DDX19A: variants seen among roughly 807,000 people sequenced by gnomAD.
DDX19A encodes the protein DEAD-box helicase 19A, also known as ATP-dependent RNA helicase DDX19A.
DDX19A carries 12 observed loss-of-function variants against 60.6 expected under a neutral mutation model. The observed-to-expected ratio is 0.20, with a 90% confidence interval of 0.13 to 0.32. DDX19A has a LOEUF of 0.32. Among genes scored for constraint, DDX19A ranks in the 10% least tolerant of loss-of-function variants. The probability of loss-of-function intolerance (pLI) is 1.00; values close to 1 mark genes in which losing one functional copy is unlikely to be tolerated. For synonymous variants in DDX19A, 206 were observed against 218.2 expected (o/e 0.94, Z 0.49); for missense variants, 337 against 600.6 (o/e 0.56, Z 4.59).
intron 9 of DDX19A, among the ~76,000 whole-genome samples, chr16:70,369,719 C>A (rs1035773639): frequency 6.7e-6 from 1 of 149,552 alleles, no homozygotes; most frequent in Non-Finnish European, 1.5e-5. Flanking sequence ...CAGGTTTAAG[C>A]GATTCTCCTG....
intron 4 of DDX19A, among the ~76,000 whole-genome samples, chr16:70,358,327 A>C (rs1964274334): frequency 6.6e-6 from 1 of 152,068 alleles, no homozygotes; most frequent in South Asian, 2.1e-4. Flanking sequence ...CACTGCACCC[A>C]GCCTTATTTT....
At chr16:70,356,839 C>G in intron 4 of DDX19A, 1 of 1,241,872 alleles carries the variant, frequency 8.1e-7, no homozygotes, top group Non-Finnish European at 1.0e-6. Context: ...TTCTCTTATA[C>G]TCTTAGAACT....
At chr16:70,348,709 A>G (rs1963927090) in intron 1 of DDX19A, among the ~76,000 whole-genome samples, 2 of 151,552 alleles carry the variant, frequency 1.3e-5, no homozygotes, top group South Asian at 2.1e-4. Context: ...GGAAACTGAG[A>G]CAGGCAGATC....
chr16:70,366,525 C>T (rs752490744), intron 8 of DDX19A, 99 bp from the exon 9 acceptor site: 8 of 1,511,464 alleles, frequency 5.3e-6, no homozygotes, highest in South Asian at 1.2e-5. Context: ...CCTCCCCCAT[C>T]AGCCTTCCTG....
At chr16:70,356,576 T>C (rs1473443278) in intron 4 of DDX19A, among the ~76,000 whole-genome samples, 1 of 152,052 alleles carries the variant, frequency 6.6e-6, no homozygotes, top group Non-Finnish European at 1.5e-5. Context: ...CAGGCTGGTC[T>C]TGAACTCCTG....
intron 8 of DDX19A, 146 bp from the exon 9 acceptor site, chr16:70,366,478 C>A (rs1597538969): frequency 7.8e-6 from 10 of 1,281,894 alleles, no homozygotes; most frequent in East Asian, 2.5e-5. Flanking sequence ...ACCCTTGTCC[C>A]CATCCCAGGC....
At position 70,366,100 on chromosome 16, in the gene DDX19A, A is replaced by T. The variant is rs61741988; in HGVS notation, c.620A>T (p.Lys207Met). Residue 207 changes from lysine (K) to methionine (M), a missense_variant, in exon 8 of 12, where the codon AAG (lysine) becomes ATG (methionine). Coordinates refer to ENST00000302243, the MANE Select transcript of DDX19A (RefSeq NM_018332.5). ...GTCTCCACAGTGGAAAGAGGCCAGA[A>T]GATCAGTGAGCAGATTGTCATTGGC... ...VRGNKLERGQKISEQIVIGTP... is the reference protein window; with the variant it reads ...VRGNKLERGQMISEQIVIGTP... The T allele has an allele frequency of 9.9e-6, 16 of 1,614,080 alleles. No homozygotes were observed. In the African/African-American group the frequency reaches 2.1e-4, roughly 22 times the overall value.
intron 4 of DDX19A, chr16:70,361,010 T>C (rs887929611): frequency 1.0e-5 from 2 of 190,546 alleles, no homozygotes; most frequent in Non-Finnish European, 2.1e-5. Context: ...CCCAAAGTGC[T>C]GAGATTACAG....
intron 3 of DDX19A, 161 bp from the exon 4 acceptor site, chr16:70,355,951 C>T (rs1173872702): frequency 1.1e-6 from 1 of 885,226 alleles, no homozygotes; most frequent in Admixed American, 2.7e-5. Flanking sequence ...GACAGCAAGA[C>T]CCCATCTCTA....
intron 1 of DDX19A, 164 bp downstream of exon 1, chr16:70,347,212 C>T (rs1298848460): frequency 3.0e-6 from 2 of 665,804 alleles, no homozygotes; most frequent in African/African-American, 1.8e-5. Flanking sequence ...CTAAAGAGAC[C>T]AATGTCGAGC....
chr16:70,350,977 A>G (rs1460039912), intron 2 of DDX19A, among the ~76,000 whole-genome samples: 1 of 150,854 alleles, frequency 6.6e-6, no homozygotes, highest in African/African-American at 2.4e-5. Context: ...TCCTGGGTTC[A>G]TAACCATTCT....
At chr16:70,356,790 T>G in intron 4 of DDX19A, 1 of 967,792 alleles carries the variant, frequency 1.0e-6, no homozygotes, top group Non-Finnish European at 1.4e-6. Context: ...AGGAATTTTT[T>G]AATGCTTCAA....
chr16:70,369,470 G>T (rs1964618446), intron 9 of DDX19A, among the ~76,000 whole-genome samples: 1 of 151,860 alleles, frequency 6.6e-6, no homozygotes, highest in African/African-American at 2.4e-5. Context: ...GAGCCACCGC[G>T]CCTGGCCCCC....
intron 9 of DDX19A, among the ~76,000 whole-genome samples, chr16:70,368,311 C>T (rs989697479): frequency 1.3e-5 from 2 of 152,016 alleles, no homozygotes; most frequent in Non-Finnish European, 2.9e-5. Context: ...CTAGCTCTGT[C>T]ACCCAGGCTG....
intron 2 of DDX19A, among the ~76,000 whole-genome samples, chr16:70,353,686 A>G (rs1964095654): frequency 7.5e-6 from 1 of 133,956 alleles, no homozygotes. Flanking sequence ...GGATCACCTG[A>G]GGTCGGGAGT....
At chr16:70,364,951 C>T in intron 6 of DDX19A, 66 bp from the exon 7 acceptor site, 2 of 1,220,578 alleles carry the variant, frequency 1.6e-6, no homozygotes, top group Non-Finnish European at 2.4e-6. Flanking sequence ...CATCAGCATA[C>T]TGGGTGCCTT....
At position 70,372,154 on chromosome 16, in the gene DDX19A, G is replaced by A. The variant is rs1361269950; in HGVS notation, c.*168G>A. On this transcript the variant is annotated 3_prime_UTR_variant, in exon 12 of 12. Transcript: ENST00000302243. ...GGACTTGACAAAAATAGGTGCAAAT[G>A]ATGGGGGGCAATAGAAGAAAAAATT... 8.7e-7 allele frequency: 1 copy of A among 1,149,152 alleles called. No individual in the cohort carries two copies. The highest frequency in any genetic ancestry group is 2.4e-5 in the East Asian group (1 of 42,000). 71.2% of individuals were successfully genotyped at this position (1,149,152 alleles called of 1,614,324 possible).
chr16:70,347,983 C>T (rs1407465749), intron 1 of DDX19A: 3 of 450,308 alleles, frequency 6.7e-6, no homozygotes, highest in South Asian at 4.7e-5. Context: ...AGTCACCGCG[C>T]CCAGCCGGTA....
At chr16:70,366,034 G>C (rs1239604500) in intron 7 of DDX19A, 51 bp from the exon 8 acceptor site, 1 of 1,613,562 alleles carries the variant, frequency 6.2e-7, no homozygotes, top group Non-Finnish European at 8.5e-7. Context: ...TTGATTTCCA[G>C]AGCTGGCTTT....
Sources: allele counts gnomAD v4.1 joint callset (sites outside exome capture counted in the v4.1 genomes callset), GRCh38; gene constraint gnomAD v4.1.1; transcripts MANE v1.5; gene names NCBI Gene and HGNC (gene_info 2026-07-23, HGNC 2026-07-21).